The following THAP8 variants were observed in gnomAD, a reference collection of about 807,000 sequenced individuals.
THAP8 encodes the protein THAP domain containing 8, also known as THAP domain-containing protein 8.
In THAP8, 24 loss-of-function variants were observed where a neutral mutation model predicts 25.0. That is an observed-to-expected ratio of 0.96 (90% CI 0.69 to 1.35). The LOEUF is 1.35. Ranked by LOEUF, THAP8 falls within the 40% of genes most tolerant of loss-of-function variation. The pLI is 0.00. For synonymous variants in THAP8, 169 were observed against 157.6 expected, an observed-to-expected ratio of 1.07 and a Z score of -0.54; for missense variants, 399 against 368.8, an observed-to-expected ratio of 1.08 and a Z score of -0.67.
chr19:36,054,218 G>C lies in THAP8; in HGVS notation c.-1C>G, dbSNP rs1482298476. ...TCGGCGCCCTGCAGTACTTGGGCAT[G>C]GCTATCCAGCCCCCGCTGAGTTTTG... On this transcript the variant is annotated 5_prime_UTR_variant, in exon 1 of 4. Coordinates refer to ENST00000292894, the MANE Select transcript of THAP8 (RefSeq NM_152658.3). 6.2e-7 allele frequency: 1 copy of C among 1,613,328 alleles called. No individual in the cohort carries two copies. Among genetic ancestry groups the C allele is most frequent in the Admixed American group, 1.7e-5 (1 of 59,948 alleles).
intron 1 of THAP8, among the ~76,000 whole-genome samples, chr19:36,046,679 G>C (rs1969891211): frequency 6.6e-6 from 1 of 152,140 alleles, no homozygotes; most frequent in Non-Finnish European, 1.5e-5. Context: ...ACAAACACAA[G>C]ATCTATTGCA....
rs569287520 is a variant in THAP8, at chr19:36,045,291, C to G, written c.84-5155G>C. Among the ~76,000 whole-genome samples the G allele has an allele frequency of 1.7e-3, 264 of 151,682 alleles. No homozygotes were observed. In the Middle Eastern group the frequency reaches 0.021, roughly 12 times the overall value. Reference sequence around the variant, plus strand: ...ATTTATTTATTTATTTATTTAGAGACAGGGTTTTGCTCTGTCACCCAGGTT... The same window carrying G: ...ATTTATTTATTTATTTATTTAGAGAGAGGGTTTTGCTCTGTCACCCAGGTT... On this transcript the variant is annotated intron_variant, in intron 1 of 3. Coordinates refer to ENST00000292894, the MANE Select transcript of THAP8 (RefSeq NM_152658.3).
In THAP8 at chr19:36,052,537, TA is replaced by T. The variant is rs1265659899; in HGVS notation, c.83+1597del. Among the ~76,000 whole-genome samples, 5 of 152,354 alleles carry T rather than the reference TA, an allele frequency of 3.3e-5. No homozygotes were observed. The South Asian group carries it at 1.0e-3, about 32-fold the overall frequency. ...GTGAGGGAGTCTCAACAAACAGAGT[TA>T]TTTTTTAGGTGAAATGTAAACTAAG... is the stretch of plus-strand genomic sequence containing the variant. On this transcript the variant is annotated intron_variant, in intron 1 of 3. Coordinates refer to ENST00000292894, the MANE Select transcript of THAP8 (RefSeq NM_152658.3).
intron 3 of THAP8, among the ~76,000 whole-genome samples, chr19:36,038,615 G>A (rs993740879): frequency 3.9e-5 from 6 of 152,182 alleles, no homozygotes; most frequent in African/African-American, 1.4e-4. Context: ...ATTTTGGGAC[G>A]CCAAGGCAGG....
chr19:36,042,294 C>G (rs4805154), intron 1 of THAP8, among the ~76,000 whole-genome samples: 71,927 of 151,506 alleles, frequency 0.47, 17,843 homozygotes, highest in African/African-American at 0.62. Flanking sequence ...CAAAAGAACA[C>G]AAAACAGGGT....
chr19:36,040,930 G>A (rs530843831), intron 1 of THAP8, among the ~76,000 whole-genome samples: 3 of 152,090 alleles, frequency 2.0e-5, no homozygotes, highest in East Asian at 3.8e-4. Flanking sequence ...CGCAGGATGT[G>A]GACCTTGCCT....
rs79539705 is a variant in THAP8 at position 36,035,892 on chromosome 19, G to A, written c.673-300C>T. ...TACAGACAGGGTCAGAGATATGGGG[G>A]AGACAGAAAATATGCAGATAAAGAG... On this transcript the variant is annotated intron_variant, in intron 3 of 3. Transcript: ENST00000292894. Among the ~76,000 whole-genome samples, 1,338 of 151,982 alleles carry A rather than the reference G, an allele frequency of 8.8e-3. 19 individuals are homozygous for A. Among genetic ancestry groups the A allele is most frequent in the African/African-American group, 0.03 (1,245 of 41,480 alleles).
chr19:36,047,519 T>C (rs936293305), intron 1 of THAP8, among the ~76,000 whole-genome samples: 12 of 152,108 alleles, frequency 7.9e-5, no homozygotes, highest in Non-Finnish European at 1.6e-4. Flanking sequence ...AGCCACAGGC[T>C]AAGGATGACA....
rs747715572 is a variant in THAP8 at position 36,039,340 on chromosome 19, G to A, written c.655C>T (p.Arg219Trp). The change falls in exon 3 of 4, where the codon CGG becomes TGG. Residue 219 changes from arginine (R) to tryptophan (W), a missense_variant. By Grantham distance (101) the Arg-to-Trp change is moderately radical (BLOSUM62 -3). Transcript: ENST00000292894. ...HGESLLARAR[R>W]GLQRLTTAQT... ...CCACTCACCAGGCGCTGCAGACCCC[G>A]GCGTGCCCGTGCCAGCAGGCTCTCC... 38 of 1,518,940 alleles carry A rather than the reference G, an allele frequency of 2.5e-5. No individual in the cohort carries two copies. Among genetic ancestry groups the A allele is most frequent in the Admixed American group, 4.1e-5 (2 of 49,272 alleles). 94.1% of individuals were successfully genotyped at this position (1,518,940 alleles called of 1,614,324 possible).
intron 1 of THAP8, among the ~76,000 whole-genome samples, chr19:36,043,682 G>C (rs1969778648): frequency 6.6e-6 from 1 of 152,110 alleles, no homozygotes; most frequent in Admixed American, 6.6e-5. Context: ...TTGAATTCAA[G>C]TTCAAGACCA....
intron 1 of THAP8, among the ~76,000 whole-genome samples, chr19:36,046,286 C>G (rs1159252765): frequency 2.0e-5 from 3 of 152,184 alleles, no homozygotes; most frequent in African/African-American, 7.2e-5. Context: ...TTGTAAGTTT[C>G]CTGAGGCCTC....
intron 1 of THAP8, among the ~76,000 whole-genome samples, chr19:36,053,454 G>A (rs1055983074): frequency 3.3e-5 from 5 of 150,468 alleles, no homozygotes; most frequent in Non-Finnish European, 7.4e-5. Context: ...ACTTGGTAGG[G>A]TGAGGTGGGA....
At chr19:36,043,155 T>C (rs985185201) in intron 1 of THAP8, among the ~76,000 whole-genome samples, 6 of 152,112 alleles carry the variant, frequency 3.9e-5, no homozygotes, top group Admixed American at 1.3e-4. Context: ...GTCAAACTCC[T>C]GACCTCAGGT....
intron 3 of THAP8, among the ~76,000 whole-genome samples, chr19:36,037,372 A>ACG (rs1969510312): frequency 6.6e-6 from 1 of 151,502 alleles, no homozygotes; most frequent in Admixed American, 6.6e-5. Flanking sequence ...ACACACACAC[A>ACG]CACACACACC....
chr19:36,048,869 A>AAAAAAAAAAAC (rs1555790111), intron 1 of THAP8, among the ~76,000 whole-genome samples: 1 of 150,748 alleles, frequency 6.6e-6, no homozygotes, highest in Admixed American at 6.6e-5. Context: ...AAAAAACAAA[A>AAAAAAAAAAAC]AACACCTTTG....
chr19:36,052,909 C>T (rs569719392), intron 1 of THAP8, among the ~76,000 whole-genome samples: 4 of 152,310 alleles, frequency 2.6e-5, no homozygotes, highest in African/African-American at 9.6e-5. Flanking sequence ...CACTTTACAT[C>T]TGCAGTATGT....
At chr19:36,035,670 C>A in intron 3 of THAP8, 78 bp from the exon 4 acceptor site, 1 of 1,536,546 alleles carries the variant, frequency 6.5e-7, no homozygotes, top group Non-Finnish European at 8.9e-7. Context: ...CGGTGAGGAA[C>A]AGGGAGGCAA....
intron 1 of THAP8, among the ~76,000 whole-genome samples, chr19:36,051,101 GC>G (rs1970044346): frequency 2.0e-5 from 3 of 152,302 alleles, no homozygotes; most frequent in Non-Finnish European, 4.4e-5. Flanking sequence ...GAAAAATAAA[GC>G]AGGAGACAGA....
At chr19:36,052,956 C>G (rs35875194) in intron 1 of THAP8, among the ~76,000 whole-genome samples, 43,264 of 152,024 alleles carry the variant, frequency 0.28, 6,430 homozygotes, top group Non-Finnish European at 0.33. Flanking sequence ...GGTGCAGTGG[C>G]TCACGCCTGT....
Sources: gnomAD v4.1 joint callset for allele counts (sites outside exome capture counted in the v4.1 genomes callset) on GRCh38, gnomAD v4.1.1 for gene constraint, MANE v1.5 for transcripts, NCBI Gene and HGNC (gene_info 2026-07-23, HGNC 2026-07-21) for gene names.